MBTD1: variants seen among roughly 807,000 people sequenced by gnomAD.
MBTD1 encodes mbt domain containing 1.
A neutral mutation model predicts 87.8 loss-of-function variants in MBTD1; 24 were observed. That is an observed-to-expected ratio of 0.27 (90% CI 0.20 to 0.38). The LOEUF is 0.38. Among genes scored for constraint, MBTD1 ranks in the 10% least tolerant of loss-of-function variants. The probability of loss-of-function intolerance (pLI) is 1.00; values close to 1 mark genes in which losing one functional copy is unlikely to be tolerated. For synonymous variants in MBTD1, 237 were observed against 248.6 expected (o/e 0.95, Z 0.44); for missense variants, 436 against 760.2 (o/e 0.57, Z 5.02).
chr17:51,246,575 G>A (rs563410084), intron 2 of MBTD1, among the ~76,000 whole-genome samples: 4 of 152,212 alleles, frequency 2.6e-5, no homozygotes, highest in East Asian at 1.9e-4. Context: ...TTTTTCTAAG[G>A]CTTTCCAGAT....
chr17:51,182,179 C>A (rs548602010), intron 16 of MBTD1, among the ~76,000 whole-genome samples: 1 of 149,002 alleles, frequency 6.7e-6, no homozygotes, highest in Non-Finnish European at 1.5e-5. Flanking sequence ...GGCTGGAGTG[C>A]AGTGGCATGA....
At chr17:51,259,295 G>A in intron 1 of MBTD1, 89 bp from the exon 2 acceptor site, 1 of 1,224,812 alleles carries the variant, frequency 8.2e-7, no homozygotes, top group Non-Finnish European at 1.0e-6. Context: ...ATGCAGCCTT[G>A]GAGGCTGCTT....
At chr17:51,247,931 C>G (rs898475805) in intron 2 of MBTD1, among the ~76,000 whole-genome samples, 1 of 152,182 alleles carries the variant, frequency 6.6e-6, no homozygotes, top group Admixed American at 6.5e-5. Flanking sequence ...CTTTTAATCT[C>G]TAATGAGGTC....
chr17:51,229,298 G>GT (rs973488424), intron 2 of MBTD1, among the ~76,000 whole-genome samples: 44 of 148,206 alleles, frequency 3.0e-4, no homozygotes, highest in African/African-American at 6.2e-4. Flanking sequence ...CACAGATACA[G>GT]TTTTTTTTTT....
chr17:51,255,025 G>A (rs2055002591), intron 2 of MBTD1, among the ~76,000 whole-genome samples: 1 of 152,186 alleles, frequency 6.6e-6, no homozygotes, highest in Admixed American at 6.5e-5. Context: ...GCTCACGCCT[G>A]TAATCCCAGC....
intron 2 of MBTD1, among the ~76,000 whole-genome samples, chr17:51,234,976 A>T (rs559904548): frequency 6.6e-6 from 1 of 152,030 alleles, no homozygotes; most frequent in African/African-American, 2.4e-5. Flanking sequence ...GATTACAGGC[A>T]TGAGCCACCA....
intron 16 of MBTD1, among the ~76,000 whole-genome samples, chr17:51,188,960 G>A (rs1458402982): frequency 6.6e-6 from 1 of 151,932 alleles, no homozygotes; most frequent in Non-Finnish European, 1.5e-5. Context: ...GTTTCTCCAT[G>A]TTGGTCAGGC....
intron 2 of MBTD1, chr17:51,249,831 T>C (rs1020479228): frequency 6.6e-6 from 1 of 152,172 alleles, no homozygotes; most frequent in African/African-American, 2.4e-5. Flanking sequence ...GGTCTTTCAG[T>C]TTTAGATGGT....
At chr17:51,224,685 T>C (rs1364673481) in intron 3 of MBTD1, among the ~76,000 whole-genome samples, 2 of 152,228 alleles carry the variant, frequency 1.3e-5, no homozygotes, top group African/African-American at 2.4e-5. Context: ...CAACCTCGAA[T>C]GTCTCTTTCA....
At chr17:51,224,616 T>C (rs893366936) in intron 3 of MBTD1, among the ~76,000 whole-genome samples, 37 of 152,280 alleles carry the variant, frequency 2.4e-4, no homozygotes. Context: ...TCAGAGAATA[T>C]CCAAGCACCA....
intron 16 of MBTD1, chr17:51,185,215 A>C (rs2050481601): frequency 6.6e-6 from 1 of 152,232 alleles, no homozygotes; most frequent in Non-Finnish European, 1.5e-5. Context: ...TGCTCATTAC[A>C]GAAAACAAGT....
chr17:51,228,864 C>T (rs1187873092), intron 2 of MBTD1, among the ~76,000 whole-genome samples: 4 of 125,700 alleles, frequency 3.2e-5, no homozygotes, highest in Admixed American at 9.8e-5. Context: ...CGCCACTGTA[C>T]TCCAGCCTGG....
intron 3 of MBTD1, among the ~76,000 whole-genome samples, 196 bp downstream of exon 3, chr17:51,224,812 G>A (rs1184824853): frequency 6.6e-6 from 1 of 151,932 alleles, no homozygotes. Context: ...TGTTGTTGTT[G>A]TATTTGCTTT....
chr17:51,246,828 C>CG (rs1402597160), intron 2 of MBTD1, among the ~76,000 whole-genome samples: 12 of 151,848 alleles, frequency 7.9e-5, no homozygotes, highest in Non-Finnish European at 1.3e-4. Flanking sequence ...TTAGTAGAGA[C>CG]GGGGTTTCAC....
rs767556931 is a variant in MBTD1 at position 51,193,512 on chromosome 17, T to TAA, written c.1373-4_1373-3dup. On this transcript the variant is annotated splice_region_variant and splice_polypyrimidine_tract_variant and intron_variant, in intron 13 of 16. Coordinates refer to ENST00000586178, the MANE Select transcript of MBTD1 (RefSeq NM_017643.3). ...ATTTAAAAGGAAGTTTTGTGTAACC[T>TAA]AAAAAACACAACTGGTTTAACTAGC... is the stretch of plus-strand genomic sequence containing the variant. The TAA allele has an allele frequency of 5.0e-6, 8 of 1,585,474 alleles. No individual in the cohort carries two copies.
At chr17:51,192,726 C>T (rs768504569) in intron 15 of MBTD1, 56 bp downstream of exon 15, 6 of 1,600,622 alleles carry the variant, frequency 3.7e-6, no homozygotes, top group East Asian at 2.2e-5. Context: ...GTGAGATAGT[C>T]CTCTGGAGAA....
chr17:51,252,371 A>G (rs1246084066), intron 2 of MBTD1, among the ~76,000 whole-genome samples: 2 of 152,198 alleles, frequency 1.3e-5, no homozygotes, highest in Non-Finnish European at 2.9e-5. Context: ...GTAAGCATAC[A>G]AAACAAGCAT....
chr17:51,254,596 TAC>T (rs748914154), intron 2 of MBTD1, among the ~76,000 whole-genome samples: 38 of 152,190 alleles, frequency 2.5e-4, no homozygotes, highest in Admixed American at 5.9e-4. Context: ...CTACAAGAAA[TAC>T]AAATTTCTAC....
chr17:51,256,167 T>C (rs1343511642), intron 2 of MBTD1: 2 of 152,248 alleles, frequency 1.3e-5, no homozygotes, highest in South Asian at 2.1e-4. Context: ...TTGTCTCATC[T>C]TTTATAGCAG....
Sources: allele counts gnomAD v4.1 joint callset (sites outside exome capture counted in the v4.1 genomes callset), GRCh38; gene constraint gnomAD v4.1.1; transcripts MANE v1.5; gene names NCBI Gene and HGNC (gene_info 2026-07-23, HGNC 2026-07-21).